The following EFCAB8 variants were observed in gnomAD, a reference collection of about 807,000 sequenced individuals.
The protein encoded by EFCAB8 is EF-hand calcium-binding domain-containing protein 8.
EFCAB8 carries 100 observed loss-of-function variants against 116.3 expected under a neutral mutation model. That is an observed-to-expected ratio of 0.86 (90% confidence interval 0.73 to 1.02). The LOEUF (loss-of-function observed/expected upper bound fraction) is 1.02. EFCAB8 is among the 50% of genes least tolerant of loss of function. The pLI is 0.00. For missense variants in EFCAB8, 1,320 were observed against 1,416.9 expected, an observed-to-expected ratio of 0.93 and a Z score of 1.10; for synonymous variants, 558 against 567.9, an observed-to-expected ratio of 0.98 and a Z score of 0.25.
At chr20:32,899,114 G>C (rs562899302) in intron 11 of EFCAB8, among the ~76,000 whole-genome samples, 13 of 152,192 alleles carry the variant, frequency 8.5e-5, no homozygotes, top group Non-Finnish European at 1.8e-4. Context: ...CACCGGGCGC[G>C]GTGGCTCACG....
At chr20:32,889,936 G>C in intron 7 of EFCAB8, among the ~76,000 whole-genome samples, 1 of 150,838 alleles carries the variant, frequency 6.6e-6, no homozygotes, top group Admixed American at 6.6e-5. Context: ...TGGAGGTGGA[G>C]GTTGCAGTAA....
In EFCAB8 at chr20:32,916,229, G is replaced by A. The variant is rs575039355; in HGVS notation, c.1857-1072G>A. Among the ~76,000 whole-genome samples the A allele has an allele frequency of 4.6e-5, 7 of 152,244 alleles. No homozygotes were observed. In the South Asian group the frequency reaches 1.5e-3, roughly 32 times the overall value. On this transcript the variant is annotated intron_variant, in intron 17 of 26. Transcript: ENST00000400522. ...GGCCATTTTCTCACATGGTAGAGAGGACAAGGGATCTCTCTGGGCCTCTTA... is the reference window on the plus strand; with the variant it reads ...GGCCATTTTCTCACATGGTAGAGAGAACAAGGGATCTCTCTGGGCCTCTTA...
intron 1 of EFCAB8, among the ~76,000 whole-genome samples, chr20:32,862,579 A>G (rs1361945629): frequency 6.6e-6 from 1 of 152,092 alleles, no homozygotes; most frequent in Admixed American, 6.6e-5. Context: ...AGATTAGAGC[A>G]TTCTTGGGTA....
At chr20:32,953,598 A>G (rs1289243524) in intron 23 of EFCAB8, among the ~76,000 whole-genome samples, 1 of 152,094 alleles carries the variant, frequency 6.6e-6, no homozygotes, top group African/African-American at 2.4e-5. Flanking sequence ...TCATCTTTTC[A>G]TGTGCTTGTT....
rs747856492 is a variant in EFCAB8 at position 32,878,802 on chromosome 20, C to A, written c.426C>A (p.Val142=). Residue 142 remains valine (V), a synonymous_variant, in exon 5 of 27, where the codon GTC becomes GTA. Coordinates refer to ENST00000400522, the MANE Select transcript of EFCAB8 (RefSeq NM_001143967.2). ...ACTTCTACCTTCCCATGACGGTCGT[C>A]CCCCTGTAAGGAGCCTCTTCCTGGG... The part of the protein sequence containing the change: ...RLHFYLPMTV[V]PLNHGCEVVK... 6.4e-6 allele frequency: 10 copies of A among 1,552,132 alleles called. No individual in the cohort carries two copies. The highest frequency in any genetic ancestry group is 1.4e-5 in the African/African-American group (1 of 73,158).
At chr20:32,949,086 G>A (rs1333537217) in intron 23 of EFCAB8, among the ~76,000 whole-genome samples, 3 of 152,072 alleles carry the variant, frequency 2.0e-5, no homozygotes, top group African/African-American at 7.2e-5. Context: ...AAATCCAGTG[G>A]ATTTTACTAA....
chr20:32,871,064 G>A (rs1984660418), intron 3 of EFCAB8, among the ~76,000 whole-genome samples: 1 of 151,770 alleles, frequency 6.6e-6, no homozygotes, highest in South Asian at 2.1e-4. Context: ...TGTTGGTCAG[G>A]CTAGTCTTGA....
chr20:32,958,607 T>C (rs988988686), intron 24 of EFCAB8, 57 bp downstream of exon 24: 1 of 410,642 alleles, frequency 2.4e-6, no homozygotes, highest in Admixed American at 4.4e-5. Context: ...AGGCTGTGAG[T>C]CTTCCCAGGT....
chr20:32,931,070 G>T (rs997682609), intron 21 of EFCAB8, 108 bp from the exon 22 acceptor site: 1 of 959,956 alleles, frequency 1.0e-6, no homozygotes, highest in Non-Finnish European at 1.5e-6. Flanking sequence ...AGTAAGAACT[G>T]CCCCCCACCC....
At chr20:32,931,528 G>T (rs1252097873) in intron 22 of EFCAB8, 192 bp downstream of exon 22, 1 of 330,686 alleles carries the variant, frequency 3.0e-6, no homozygotes, top group Non-Finnish European at 4.3e-6. Context: ...GGAGGCTGAG[G>T]CGGGTGGATC....
At chr20:32,882,382 C>T (rs912759099) in intron 5 of EFCAB8, among the ~76,000 whole-genome samples, 5 of 152,202 alleles carry the variant, frequency 3.3e-5, no homozygotes, top group Admixed American at 6.5e-5. Context: ...GTCCAAGTGT[C>T]GACAGAACCC....
At chr20:32,865,433 A>G (rs532407090) in intron 2 of EFCAB8, among the ~76,000 whole-genome samples, 1 of 152,182 alleles carries the variant, frequency 6.6e-6, no homozygotes, top group Admixed American at 6.5e-5. Flanking sequence ...CTGGTTAGGA[A>G]GTACTTTGAA....
intron 3 of EFCAB8, among the ~76,000 whole-genome samples, chr20:32,869,260 G>A (rs1243399855): frequency 2.0e-5 from 3 of 150,442 alleles, no homozygotes; most frequent in East Asian, 2.0e-4. Context: ...TTTTTGAGAC[G>A]GAGTTTCACT....
chr20:32,947,819 C>T (rs531543564), intron 23 of EFCAB8, among the ~76,000 whole-genome samples: 33 of 150,960 alleles, frequency 2.2e-4, no homozygotes, highest in Non-Finnish European at 3.1e-4. Context: ...CGGTGGCTCA[C>T]GCCTTTGGGA....
At chr20:32,946,714 T>C (rs1600462119) in intron 23 of EFCAB8, among the ~76,000 whole-genome samples, 2 of 152,230 alleles carry the variant, frequency 1.3e-5, no homozygotes, top group East Asian at 3.8e-4. Flanking sequence ...GTTTCATGAA[T>C]GCATACAATT....
At position 32,961,483 on chromosome 20, in the gene EFCAB8, G is replaced by T; in HGVS notation, c.3741G>T (p.Val1247=). Residue 1247 remains valine, a synonymous_variant, in exon 27 of 27, where the codon GTG becomes GTT. Transcript: ENST00000400522. The part of the protein sequence containing the change: ...AHSTPSVPSP[V]SKSTLQGSVT... ...CCACCCCCTCGGTCCCATCCCCGGT[G>T]TCCAAGTCCACCCTGCAGGGGTCAG... is the stretch of plus-strand genomic sequence containing the variant. 1 of 1,448,664 alleles carries T rather than the reference G, an allele frequency of 6.9e-7. No individual in the cohort carries two copies. The allele number at this position is 1,448,664 out of a possible 1,614,324, so 89.7% of individuals were successfully genotyped here. A position where few individuals can be genotyped will look rare whatever the true frequency, so the allele number is the denominator to read the frequency against.
chr20:32,955,110 G>A (rs558126559), intron 23 of EFCAB8, among the ~76,000 whole-genome samples: 4 of 152,262 alleles, frequency 2.6e-5, no homozygotes, highest in African/African-American at 7.2e-5. Flanking sequence ...TCTGGTAAGT[G>A]GAGATAGAGC....
At position 32,882,333 on chromosome 20, in the gene EFCAB8, T is replaced by C. The variant is rs1985382576; in HGVS notation, c.432-3172T>C. ...TCACTTTGAAACTGTAAACCCAGCA[T>C]TTCCTCGTTGGTCACTTGATAGCTG... On this transcript the variant is annotated intron_variant, in intron 5 of 26. Coordinates refer to ENST00000400522, the MANE Select transcript of EFCAB8 (RefSeq NM_001143967.2). Among the ~76,000 whole-genome samples the C allele has an allele frequency of 2.6e-5, 4 of 152,162 alleles. No homozygotes were observed. In the South Asian group the frequency reaches 8.3e-4, roughly 32 times the overall value.
At chr20:32,885,874 T>A (rs1330803128) in intron 6 of EFCAB8, among the ~76,000 whole-genome samples, 1 of 152,180 alleles carries the variant, frequency 6.6e-6, no homozygotes. Context: ...CACAGGCCCC[T>A]CAAATCCATT....
Sources: allele counts gnomAD v4.1 joint callset (sites outside exome capture counted in the v4.1 genomes callset), GRCh38; gene constraint gnomAD v4.1.1; transcripts MANE v1.5; gene names NCBI Gene and HGNC (gene_info 2026-07-23, HGNC 2026-07-21).